Variants in MAP7 observed in about 807,000 individuals in gnomAD.
MAP7 encodes microtubule associated protein 7.
A neutral mutation model predicts 94.8 loss-of-function variants in MAP7; 52 were observed. That is an observed-to-expected ratio of 0.55 (90% CI 0.44 to 0.69). MAP7 has a LOEUF of 0.69. Ranked by LOEUF, MAP7 falls within the 30% of genes least tolerant of loss-of-function variation. The pLI, the probability that MAP7 is intolerant of heterozygous loss-of-function variation, is 0.00. For synonymous variants in MAP7, 350 were observed against 357.0 expected, an observed-to-expected ratio of 0.98 and a Z score of 0.22; for missense variants, 940 against 964.6, an observed-to-expected ratio of 0.97 and a Z score of 0.34.
rs111976520 is a variant in MAP7 at position 136,539,071 on chromosome 6, T to A, written c.67+11271A>T. 6.7e-3 allele frequency among the ~76,000 whole-genome samples: 1,016 copies of A among 152,244 alleles called. 11 individuals carry two copies. Among genetic ancestry groups the A allele is most frequent in the African/African-American group, 0.023 (973 of 41,544 alleles). ...TTACTATTATAAATAAAAAACGGCT[T>A]AAGGAAGAAACTTAGCATGCCAGGG... On this transcript the variant is annotated intron_variant, in intron 1 of 17. Transcript: ENST00000354570.
intron 1 of MAP7, among the ~76,000 whole-genome samples, chr6:136,538,036 C>T (rs535969711): frequency 6.6e-6 from 1 of 152,278 alleles, no homozygotes; most frequent in South Asian, 2.1e-4. Flanking sequence ...CCGGCCTCGG[C>T]CTCCCAAAGT....
In MAP7 at chr6:136,362,686, G is replaced by A. The variant is rs755674882; in HGVS notation, c.1290C>T (p.Ala430=). The A allele has an allele frequency of 1.9e-6, 3 of 1,598,038 alleles. No homozygotes were observed. Among genetic ancestry groups the A allele is most frequent in the Non-Finnish European group, 2.6e-6 (3 of 1,174,758 alleles). Residue 430 remains alanine, a synonymous_variant, in exon 11 of 18, where the codon GCC becomes GCT. Transcript: ENST00000354570. ...GAGCTGGGGCCGAGGCTGGAGCTGG[G>A]GCCATGGCTGGAGCAGCTGCACAAA... ...PEVGPAAPAM[A]PAPASAPAPA... is the part of the protein sequence containing the mutation.
intron 1 of MAP7, among the ~76,000 whole-genome samples, chr6:136,424,812 T>C (rs766495504): frequency 1.3e-5 from 2 of 152,184 alleles, no homozygotes; most frequent in Non-Finnish European, 1.5e-5. Flanking sequence ...ACTATAACCT[T>C]TGCACCATCC....
chr6:136,540,563 TTTCC>T (rs1280535749), intron 1 of MAP7, among the ~76,000 whole-genome samples: 1 of 152,226 alleles, frequency 6.6e-6, no homozygotes, highest in Non-Finnish European at 1.5e-5. Context: ...CACATCTATA[TTTCC>T]TTCAAAAAAG....
chr6:136,544,985 T>C (rs1829612770), intron 1 of MAP7, among the ~76,000 whole-genome samples: 1 of 152,182 alleles, frequency 6.6e-6, no homozygotes. Flanking sequence ...TTCCAATAAG[T>C]CAATGAGCCA....
intron 1 of MAP7, among the ~76,000 whole-genome samples, chr6:136,450,304 A>C (rs1800704617): frequency 6.6e-6 from 1 of 152,194 alleles, no homozygotes; most frequent in African/African-American, 2.4e-5. Context: ...TATTTCCAAG[A>C]TTTCTTCACT....
chr6:136,366,141 G>T, intron 9 of MAP7, 123 bp from the exon 10 acceptor site: 1 of 1,117,560 alleles, frequency 8.9e-7, no homozygotes, highest in Non-Finnish European at 1.3e-6. Flanking sequence ...TTTTTTATGT[G>T]GTAGATACAG....
intron 1 of MAP7, among the ~76,000 whole-genome samples, chr6:136,463,070 G>T (rs1582988589): frequency 1.3e-5 from 2 of 151,420 alleles, no homozygotes; most frequent in South Asian, 4.2e-4. Context: ...GAAAATCAAA[G>T]AATCATTTTC....
intron 1 of MAP7, among the ~76,000 whole-genome samples, chr6:136,533,486 C>T (rs1162633632): frequency 3.9e-5 from 6 of 152,172 alleles, no homozygotes; most frequent in Non-Finnish European, 7.3e-5. Flanking sequence ...AGCAAAGCAT[C>T]GGACAGGTGA....
Position 136,409,977 on chromosome 6 carries a change from G to C in MAP7, c.244+1643C>G, listed in dbSNP as rs1359331308. Among the ~76,000 whole-genome samples the C allele has an allele frequency of 2.0e-5, 3 of 152,180 alleles. No individual in the cohort carries two copies. The South Asian group carries it at 6.2e-4, about 32-fold the overall frequency. On this transcript the variant is annotated intron_variant, in intron 3 of 17. Coordinates refer to ENST00000354570, the MANE Select transcript of MAP7 (RefSeq NM_003980.6). Reference sequence around the variant, plus strand: ...TATACAAAGGTAAGCAACTTTTAGGGAGAACTGCAAGCTCAAAGCTGTAAG... The same window carrying C: ...TATACAAAGGTAAGCAACTTTTAGGCAGAACTGCAAGCTCAAAGCTGTAAG...
chr6:136,542,586 G>A (rs570390928), intron 1 of MAP7, among the ~76,000 whole-genome samples: 21 of 152,280 alleles, frequency 1.4e-4, no homozygotes, highest in African/African-American at 5.1e-4. Context: ...CCATTAAGGA[G>A]GAAGAGAGAA....
intron 1 of MAP7, among the ~76,000 whole-genome samples, chr6:136,428,586 C>T (rs1370336298): frequency 6.6e-6 from 1 of 151,828 alleles, no homozygotes; most frequent in African/African-American, 2.4e-5. Flanking sequence ...AATAAAAAAC[C>T]TAACATGTGA....
At chr6:136,540,992 A>G (rs994613734) in intron 1 of MAP7, among the ~76,000 whole-genome samples, 2 of 152,218 alleles carry the variant, frequency 1.3e-5, no homozygotes, top group African/African-American at 2.4e-5. Context: ...AGTGACCCAT[A>G]TTTAAATGAA....
In MAP7 at chr6:136,362,635, C is replaced by G. The variant is rs561051642; in HGVS notation, c.1341G>C (p.Pro447=). Residue 447 remains proline (P), a synonymous_variant, in exon 11 of 18, where the codon CCG becomes CCC. Transcript: ENST00000354570. The stretch of plus-strand genomic sequence containing the variant: ...CTGAGACCATGGCTGGGGTGGGGAC[C>G]GGGGCTGGAGCTGGGGCCGAGGCTG... ...PAPASAPAPA[P]VPTPAMVSAP... is the part of the protein sequence containing the mutation. The G allele has an allele frequency of 6.2e-7, 1 of 1,611,328 alleles. No individual in the cohort carries two copies. Among genetic ancestry groups the G allele is most frequent in the Admixed American group, 1.7e-5 (1 of 59,716 alleles).
chr6:136,490,018 G>C (rs930945366), intron 1 of MAP7, among the ~76,000 whole-genome samples: 2 of 152,096 alleles, frequency 1.3e-5, no homozygotes. Context: ...GCACAAGATA[G>C]CCTGTGAGTT....
intron 1 of MAP7, among the ~76,000 whole-genome samples, chr6:136,543,405 T>C: frequency 6.6e-6 from 1 of 152,170 alleles, no homozygotes; most frequent in Admixed American, 6.5e-5. Flanking sequence ...TCCCAGCACT[T>C]TGGGATACTG....
intron 1 of MAP7, among the ~76,000 whole-genome samples, chr6:136,455,345 A>G (rs2128893890): frequency 6.6e-6 from 1 of 152,290 alleles, no homozygotes; most frequent in Non-Finnish European, 1.5e-5. Flanking sequence ...AAAGCATACA[A>G]TGACAGAACT....
intron 1 of MAP7, among the ~76,000 whole-genome samples, chr6:136,478,246 A>G (rs1240150392): frequency 3.9e-5 from 6 of 152,178 alleles, no homozygotes; most frequent in African/African-American, 1.4e-4. Flanking sequence ...AGCAAGAGCA[A>G]ACCAAACACA....
rs111786683 is a variant in MAP7 at position 136,512,998 on chromosome 6, G to GGTTTTGTTTTGTTTTGTTTT, written c.67+37324_67+37343dup. On this transcript the variant is annotated intron_variant, in intron 1 of 17. Transcript: ENST00000354570. ...AGGCTTGTGATACCACACCAAGCTAGGTTTTGTTTTGTTTTGTTTTGTTTT... is the reference window on the plus strand; with the variant it reads ...AGGCTTGTGATACCACACCAAGCTAGGTTTTGTTTTGTTTTGTTTTGTTTTGTTTTGTTTTGTTTTGTTTT... Among the ~76,000 whole-genome samples, 380 of 151,348 alleles carry GGTTTTGTTTTGTTTTGTTTT rather than the reference G, an allele frequency of 2.5e-3. 4 individuals are homozygous for GGTTTTGTTTTGTTTTGTTTT. Among genetic ancestry groups the GGTTTTGTTTTGTTTTGTTTT allele is most frequent in the African/African-American group, 7.9e-3 (322 of 40,914 alleles).
Sources: allele counts gnomAD v4.1 joint callset (sites outside exome capture counted in the v4.1 genomes callset), GRCh38; gene constraint gnomAD v4.1.1; transcripts MANE v1.5; gene names NCBI Gene and HGNC (gene_info 2026-07-23, HGNC 2026-07-21).